The following HHAT variants were observed in gnomAD, a reference collection of about 807,000 sequenced individuals.
The protein encoded by HHAT is protein-cysteine N-palmitoyltransferase HHAT.
A neutral mutation model predicts 70.8 loss-of-function variants in HHAT; 47 were observed. That is an observed-to-expected ratio of 0.66 (90% CI 0.53 to 0.85). The LOEUF is 0.85. Among genes scored for constraint, HHAT ranks in the 40% least tolerant of loss-of-function variants. The probability of loss-of-function intolerance (pLI) is 0.00; values close to 1 mark genes in which losing one functional copy is unlikely to be tolerated. For synonymous variants in HHAT, 228 were observed against 247.6 expected (o/e 0.92, Z 0.74); for missense variants, 609 against 604.8 (o/e 1.01, Z -0.07).
intron 3 of HHAT, among the ~76,000 whole-genome samples, chr1:210,380,279 G>A (rs1380665247): frequency 1.3e-5 from 2 of 152,170 alleles, no homozygotes; most frequent in African/African-American, 4.8e-5. Flanking sequence ...GGTGGCTCAC[G>A]CCTATAATCC....
chr1:210,363,896 A>G (rs905119718), intron 3 of HHAT, among the ~76,000 whole-genome samples: 1 of 152,194 alleles, frequency 6.6e-6, no homozygotes, highest in African/African-American at 2.4e-5. Flanking sequence ...CTGCTTGCAA[A>G]TGAACTTTTG....
chr1:210,362,516 T>A (rs946964235), intron 2 of HHAT, among the ~76,000 whole-genome samples: 3 of 152,218 alleles, frequency 2.0e-5, no homozygotes, highest in Admixed American at 1.3e-4. Flanking sequence ...TGAGCCACCA[T>A]GCCCGGCCCA....
At chr1:210,551,280 A>C (rs2095525548) in intron 9 of HHAT, among the ~76,000 whole-genome samples, 1 of 148,750 alleles carries the variant, frequency 6.7e-6, no homozygotes, top group Non-Finnish European at 1.5e-5. Context: ...CCCAGCGGCG[A>C]GCAAAAGCAG....
At chr1:210,455,448 C>T (rs1215206020) in intron 7 of HHAT, among the ~76,000 whole-genome samples, 1 of 152,012 alleles carries the variant, frequency 6.6e-6, no homozygotes, top group African/African-American at 2.4e-5. Flanking sequence ...TGGTTTGTTT[C>T]TTTGTTTCCT....
At chr1:210,447,073 C>T (rs1300145681) in intron 7 of HHAT, among the ~76,000 whole-genome samples, 1 of 152,196 alleles carries the variant, frequency 6.6e-6, no homozygotes, top group East Asian at 1.9e-4. Context: ...AGCAAGTATC[C>T]TCAATAGACT....
chr1:210,448,192 C>T (rs2093673681), intron 7 of HHAT, among the ~76,000 whole-genome samples: 1 of 151,790 alleles, frequency 6.6e-6, no homozygotes, highest in Admixed American at 6.6e-5. Flanking sequence ...AGTGATTCTC[C>T]TGGCTCAGCT....
At chr1:210,601,373 A>AG (rs942657156) in intron 10 of HHAT, among the ~76,000 whole-genome samples, 3 of 152,130 alleles carry the variant, frequency 2.0e-5, no homozygotes, top group African/African-American at 7.2e-5. Flanking sequence ...TAAGCCTCTG[A>AG]GGGAGTATAA....
chr1:210,440,844 G>A, intron 7 of HHAT, among the ~76,000 whole-genome samples: 1 of 152,192 alleles, frequency 6.6e-6, no homozygotes, highest in East Asian at 1.9e-4. Context: ...GTCTGATGCT[G>A]ACGGGTACTG....
intron 9 of HHAT, among the ~76,000 whole-genome samples, chr1:210,525,987 C>T (rs974158042): frequency 6.6e-6 from 1 of 152,190 alleles, no homozygotes; most frequent in Non-Finnish European, 1.5e-5. Flanking sequence ...TATGCGGTTG[C>T]TGCATCTGGT....
At chr1:210,383,016 G>A (rs12411194) in intron 3 of HHAT, among the ~76,000 whole-genome samples, 27,094 of 152,120 alleles carry the variant, frequency 0.18, 2,661 homozygotes, top group Admixed American at 0.27. Flanking sequence ...CACGGAGTTA[G>A]ACAGAACTAC....
chr1:210,516,778 G>T (rs1323099872), intron 9 of HHAT, among the ~76,000 whole-genome samples: 2 of 151,918 alleles, frequency 1.3e-5, no homozygotes, highest in Non-Finnish European at 2.9e-5. Flanking sequence ...TTAATCAGCT[G>T]CATCTTTTAA....
intron 9 of HHAT, among the ~76,000 whole-genome samples, chr1:210,544,271 T>C (rs1389593402): frequency 6.6e-6 from 1 of 152,138 alleles, no homozygotes; most frequent in Non-Finnish European, 1.5e-5. Flanking sequence ...TGGATTCCTG[T>C]CAAGGGACCT....
chr1:210,467,723 T>C (rs929366104), intron 8 of HHAT, among the ~76,000 whole-genome samples: 1 of 152,132 alleles, frequency 6.6e-6, no homozygotes, highest in South Asian at 2.1e-4. Context: ...GACTTAATGC[T>C]TACCTGAACT....
chr1:210,642,241 C>T (rs1223924423), intron 11 of HHAT, among the ~76,000 whole-genome samples: 3 of 152,190 alleles, frequency 2.0e-5, no homozygotes, highest in Non-Finnish European at 4.4e-5. Context: ...ATAGTTCATT[C>T]ATTTTCATTG....
At chr1:210,334,897 GAAAA>G (rs576589439) in intron 1 of HHAT, among the ~76,000 whole-genome samples, 2 of 151,738 alleles carry the variant, frequency 1.3e-5, no homozygotes, top group Admixed American at 1.3e-4. Context: ...ACAAAAACTA[GAAAA>G]AATGAGTAGT....
intron 5 of HHAT, among the ~76,000 whole-genome samples, chr1:210,402,698 A>G (rs922099356): frequency 3.3e-5 from 5 of 152,086 alleles, no homozygotes; most frequent in African/African-American, 1.2e-4. Flanking sequence ...CTAACCCCCT[A>G]GGATCTCCAT....
At chr1:210,374,223 T>C (rs1033230447) in intron 3 of HHAT, 4 of 152,002 alleles carry the variant, frequency 2.6e-5, no homozygotes, top group African/African-American at 7.3e-5. Context: ...CGGAAATCTT[T>C]AGTAAAAGGC....
intron 8 of HHAT, among the ~76,000 whole-genome samples, chr1:210,500,405 T>C (rs2094730188): frequency 6.6e-6 from 1 of 152,216 alleles, no homozygotes; most frequent in South Asian, 2.1e-4. Context: ...CTGGCACCTT[T>C]TTGGTAAGTA....
intron 11 of HHAT, among the ~76,000 whole-genome samples, chr1:210,665,100 A>C (rs745693717): frequency 7.6e-4 from 115 of 152,306 alleles, no homozygotes; most frequent in Non-Finnish European, 1.5e-3. Flanking sequence ...ATTGGTCTTA[A>C]CCAGGTTGGC....
Sources: gnomAD v4.1 joint callset for allele counts (sites outside exome capture counted in the v4.1 genomes callset) on GRCh38, gnomAD v4.1.1 for gene constraint, MANE v1.5 for transcripts, NCBI Gene and HGNC (gene_info 2026-07-23, HGNC 2026-07-21) for gene names.